Variants in IQCJ observed in about 807,000 individuals in gnomAD.
IQCJ encodes IQ motif containing J.
A neutral mutation model predicts 11.0 loss-of-function variants in IQCJ; 9 were observed. The ratio of observed to expected loss-of-function variants is 0.82; its 90% CI spans 0.49 to 1.43. The LOEUF is 1.43. Among genes scored for constraint, IQCJ ranks in the 40% most tolerant of loss-of-function variants. The pLI, the probability that IQCJ is intolerant of heterozygous loss-of-function variation, is 0.00. For missense variants in IQCJ, 146 were observed against 133.2 expected, an observed-to-expected ratio of 1.10 and a Z score of -0.47; for synonymous variants, 55 against 51.3, an observed-to-expected ratio of 1.07 and a Z score of -0.31.
At chr3:159,156,203 G>T (rs13078847) in intron 1 of IQCJ, among the ~76,000 whole-genome samples, 20,145 of 152,164 alleles carry the variant, frequency 0.13, 1,508 homozygotes, top group Middle Eastern at 0.2. Context: ...GGAGACAAGA[G>T]AAATCTAAGA....
chr3:159,084,820 A>G (rs1368605566), intron 1 of IQCJ, among the ~76,000 whole-genome samples: 2 of 152,098 alleles, frequency 1.3e-5, no homozygotes, highest in Non-Finnish European at 2.9e-5. Context: ...CAGGTTTTAT[A>G]TCCTGAGTCT....
intron 2 of IQCJ, among the ~76,000 whole-genome samples, chr3:159,252,499 G>A (rs1406995895): frequency 6.6e-6 from 1 of 152,052 alleles, no homozygotes; most frequent in Non-Finnish European, 1.5e-5. Context: ...AGCTATGAAT[G>A]TTAGTTGAGA....
chr3:159,114,781 T>C (rs1316357304), intron 1 of IQCJ, among the ~76,000 whole-genome samples: 1 of 152,186 alleles, frequency 6.6e-6, no homozygotes, highest in Non-Finnish European at 1.5e-5. Context: ...GTTTCCAAAC[T>C]GCCAAAACAA....
At chr3:159,115,347 T>G (rs9816288) in intron 1 of IQCJ, among the ~76,000 whole-genome samples, 98,923 of 151,902 alleles carry the variant, frequency 0.65, 32,553 homozygotes, top group Non-Finnish European at 0.71. Flanking sequence ...TTGCATGGGC[T>G]AATTTAGAGG....
intron 1 of IQCJ, among the ~76,000 whole-genome samples, chr3:159,244,595 C>T (rs1382754006): frequency 6.6e-6 from 1 of 152,124 alleles, no homozygotes; most frequent in African/African-American, 2.4e-5. Flanking sequence ...GTTAGAACAA[C>T]ATAATTAAGG....
downstream of IQCJ, among the ~76,000 whole-genome samples, chr3:159,263,972 T>C (rs1728362340): frequency 6.6e-6 from 1 of 152,240 alleles, no homozygotes; most frequent in Non-Finnish European, 1.5e-5. Context: ...GCTTCTCGTT[T>C]GTGTCTAACT....
intron 2 of IQCJ, among the ~76,000 whole-genome samples, chr3:159,250,229 G>C (rs1328393867): frequency 1.3e-5 from 2 of 152,092 alleles, no homozygotes; most frequent in Non-Finnish European, 2.9e-5. Flanking sequence ...TTATAGTTTG[G>C]TGAGGATATA....
intron 1 of IQCJ, among the ~76,000 whole-genome samples, chr3:159,079,972 C>G (rs1716201185): frequency 6.6e-6 from 1 of 151,904 alleles, no homozygotes; most frequent in South Asian, 2.1e-4. Flanking sequence ...CAATTTTACC[C>G]TCATTATTAG....
chr3:159,224,684 G>A (rs1725740990), intron 1 of IQCJ, among the ~76,000 whole-genome samples: 1 of 152,166 alleles, frequency 6.6e-6, no homozygotes, highest in East Asian at 1.9e-4. Context: ...GATCAGAGTA[G>A]AATCTAATCA....
rs190484661 is a variant in IQCJ at position 159,105,580 on chromosome 3, G to A, written c.9+36139G>A. 1.7e-3 allele frequency among the ~76,000 whole-genome samples: 258 copies of A among 152,238 alleles called. 1 individual carries two copies. The highest frequency in any genetic ancestry group is 0.011 in the South Asian group (52 of 4,822). ...TTAAGAGGCTTGAGAGTGAGCCTCT[G>A]CTGGTAGTGGATATTTAGACTGTTT... is the stretch of plus-strand genomic sequence containing the variant. On this transcript the variant is annotated intron_variant, in intron 1 of 3. Transcript: ENST00000397832.
At chr3:159,231,964 A>G (rs900075333) in intron 1 of IQCJ, among the ~76,000 whole-genome samples, 3 of 152,118 alleles carry the variant, frequency 2.0e-5, no homozygotes, top group African/African-American at 7.2e-5. Context: ...TTTCTGTGGG[A>G]TCAGTGGTGA....
At chr3:159,170,482 C>T (rs1282355740) in intron 1 of IQCJ, among the ~76,000 whole-genome samples, 2 of 152,202 alleles carry the variant, frequency 1.3e-5, no homozygotes, top group South Asian at 2.1e-4. Context: ...CAGTTTTGGC[C>T]GGTTTGCTAT....
At chr3:159,223,314 A>G (rs1269093269) in intron 1 of IQCJ, among the ~76,000 whole-genome samples, 3 of 152,144 alleles carry the variant, frequency 2.0e-5, no homozygotes, top group Non-Finnish European at 4.4e-5. Flanking sequence ...GGTAGCGGCC[A>G]TATGCAATTA....
chr3:159,174,675 G>A (rs1372140779), intron 1 of IQCJ, among the ~76,000 whole-genome samples: 2 of 151,726 alleles, frequency 1.3e-5, no homozygotes, highest in Non-Finnish European at 2.9e-5. Flanking sequence ...CTAAAGTTGG[G>A]GATAATATTT....
intron 3 of IQCJ, among the ~76,000 whole-genome samples, chr3:159,260,449 T>C (rs1157182014): frequency 6.6e-6 from 1 of 152,218 alleles, no homozygotes; most frequent in Non-Finnish European, 1.5e-5. Context: ...ATGTTACACA[T>C]TCTGAGCTCT....
intron 1 of IQCJ, among the ~76,000 whole-genome samples, chr3:159,139,140 G>A (rs1269163775): frequency 6.6e-6 from 1 of 151,900 alleles, no homozygotes; most frequent in African/African-American, 2.4e-5. Context: ...TGAAATCAAG[G>A]ACCATTTTTT....
Position 159,138,573 on chromosome 3 carries a change from G to A in IQCJ, c.9+69132G>A, listed in dbSNP as rs961671221. Among the ~76,000 whole-genome samples, 7 of 152,218 alleles carry A rather than the reference G, an allele frequency of 4.6e-5. No homozygotes were observed. The East Asian group carries it at 5.8e-4, about 13-fold the overall frequency. Reference sequence around the variant, plus strand: ...GTGTGTTTAGACATACCTGTATTACGCTAAACAGTGAATCTTAAGTAAACA... The same window carrying A: ...GTGTGTTTAGACATACCTGTATTACACTAAACAGTGAATCTTAAGTAAACA... On this transcript the variant is annotated intron_variant, in intron 1 of 3. Transcript: ENST00000397832.
At chr3:159,265,205 T>A (rs1485458047), downstream of IQCJ, 1 of 1,611,772 alleles carries the variant, frequency 6.2e-7, no homozygotes, top group African/African-American at 1.3e-5. Context: ...TTATCTGCTG[T>A]GATCATCAGT....
intron 1 of IQCJ, among the ~76,000 whole-genome samples, chr3:159,235,866 A>G (rs897082853): frequency 6.6e-6 from 1 of 152,194 alleles, no homozygotes; most frequent in Non-Finnish European, 1.5e-5. Flanking sequence ...TCATAGGCAT[A>G]TCTTATGTTT....
Sources: gnomAD v4.1 joint callset for allele counts (sites outside exome capture counted in the v4.1 genomes callset) on GRCh38, gnomAD v4.1.1 for gene constraint, MANE v1.5 for transcripts, NCBI Gene and HGNC (gene_info 2026-07-23, HGNC 2026-07-21) for gene names.